PPP2R1B: variants seen among roughly 807,000 people sequenced by gnomAD.
PPP2R1B encodes protein phosphatase 2 scaffold subunit Abeta, also known as serine/threonine-protein phosphatase 2A 65 kDa regulatory subunit A beta isoform.
A neutral mutation model predicts 72.7 loss-of-function variants in PPP2R1B; 58 were observed. That is an observed-to-expected ratio of 0.80 (90% CI 0.65 to 0.99). The LOEUF is 0.99. Among genes scored for constraint, PPP2R1B ranks in the 50% least tolerant of loss-of-function variants. The pLI, the probability that PPP2R1B is intolerant of heterozygous loss-of-function variation, is 0.00. For missense variants in PPP2R1B, 695 were observed against 733.6 expected, an observed-to-expected ratio of 0.95 and a Z score of 0.61; for synonymous variants, 256 against 264.6, an observed-to-expected ratio of 0.97 and a Z score of 0.32.
chr11:111,758,494 G>A (rs996815754), intron 5 of PPP2R1B, among the ~76,000 whole-genome samples: 6 of 152,114 alleles, frequency 3.9e-5, no homozygotes, highest in Non-Finnish European at 5.9e-5. Flanking sequence ...GGAGGCTGAG[G>A]CAGGAGAATT....
In PPP2R1B at chr11:111,741,805, T is replaced by C. The variant is rs149254023; in HGVS notation, c.1790-193A>G. On this transcript the variant is annotated intron_variant, in intron 14 of 14. Transcript: ENST00000527614. ...GGTTAAATTCCAAACGAAAAACTAT[T>C]CTTACCAGTGAGAATCGTATTTCCT... 7.2e-4 allele frequency among the ~76,000 whole-genome samples: 110 copies of C among 152,322 alleles called. 1 individual carries two copies. Among genetic ancestry groups the C allele is most frequent in the African/African-American group, 2.4e-3 (101 of 41,558 alleles).
At chr11:111,765,811 C>T (rs1320495043) in intron 1 of PPP2R1B, 1 of 473,994 alleles carries the variant, frequency 2.1e-6, no homozygotes, top group African/African-American at 2.0e-5. Context: ...ACAAGCCGAG[C>T]CAGTTCCAAG....
chr11:111,759,585 C>T (rs1483688635), intron 5 of PPP2R1B, among the ~76,000 whole-genome samples: 2 of 152,208 alleles, frequency 1.3e-5, no homozygotes, highest in African/African-American at 4.8e-5. Context: ...TGACTCCCCA[C>T]TCTTTTAACA....
the PPP2R1B span, chr11:111,719,782 G>A: frequency 6.2e-7 from 1 of 1,613,028 alleles, no homozygotes. Flanking sequence ...TAGGTCAATG[G>A]CTGTCTGCTT....
chr11:111,740,226 G>GTT lies in PPP2R1B; in HGVS notation c.*1368_*1369dup. 2.0e-6 allele frequency: 2 copies of GTT among 975,866 alleles called. No individual in the cohort carries two copies. The highest frequency in any genetic ancestry group is 2.4e-6 in the Non-Finnish European group (2 of 821,818). The allele number at this position is 975,866 out of a possible 1,614,324, so 60.5% of individuals were successfully genotyped here. ...GAGTTTGATTATGTGAAAAATAGTT[G>GTT]TTTTTTTTTGAGATGGACTCTCGCT... is the stretch of plus-strand genomic sequence containing the variant. On this transcript the variant is annotated 3_prime_UTR_variant, in exon 15 of 15. Transcript: ENST00000527614.
chr11:111,764,726 A>T, intron 3 of PPP2R1B, 79 bp downstream of exon 3: 1 of 1,388,626 alleles, frequency 7.2e-7, no homozygotes, highest in Non-Finnish European at 1.0e-6. Flanking sequence ...AAAATGCTGC[A>T]GTGTGTCTAT....
intron 5 of PPP2R1B, 139 bp from the exon 6 acceptor site, chr11:111,755,589 T>C (rs936155001): frequency 1.4e-6 from 1 of 724,676 alleles, no homozygotes; most frequent in Non-Finnish European, 2.0e-6. Context: ...GACATCTTTT[T>C]CTTTTTTTTT....
intron 10 of PPP2R1B, among the ~76,000 whole-genome samples, chr11:111,750,679 A>AC (rs1944870058): frequency 6.6e-6 from 1 of 151,894 alleles, no homozygotes; most frequent in South Asian, 2.1e-4. Flanking sequence ...CCTACTCAAA[A>AC]AAAGGAAAGG....
chr11:111,696,748 C>T, the PPP2R1B span, among the ~76,000 whole-genome samples: 8 of 152,132 alleles, frequency 5.3e-5, no homozygotes, highest in Non-Finnish European at 1.0e-4. Flanking sequence ...TGTGTTTGTA[C>T]AGTGGTTGAC....
At chr11:111,697,062 T>C in the PPP2R1B span, among the ~76,000 whole-genome samples, 1 of 152,228 alleles carries the variant, frequency 6.6e-6, no homozygotes, top group Non-Finnish European at 1.5e-5. Context: ...TAACTATTTT[T>C]GACATGCCAG....
chr11:111,765,376 G>A lies in PPP2R1B; in HGVS notation c.123C>T (p.Leu41=), dbSNP rs1555052717. The change falls in exon 2 of 15, where the codon CTC becomes CTT. Residue 41 remains leucine, a synonymous_variant. Coordinates refer to ENST00000527614, the MANE Select transcript of PPP2R1B (RefSeq NM_002716.5). ...ELRNEDVQLR[L]NSIKKLSTIA... is the part of the protein sequence containing the mutation. Reference sequence around the variant, plus strand: ...TTGTTGATAACTTCTTAATACTGTTGAGTCGGAGCTTCAGAAAAGAAAGTA... The same window carrying A: ...TTGTTGATAACTTCTTAATACTGTTAAGTCGGAGCTTCAGAAAAGAAAGTA... 6.2e-7 allele frequency: 1 copy of A among 1,610,184 alleles called. No homozygotes were observed. Among genetic ancestry groups the A allele is most frequent in the African/African-American group, 1.3e-5 (1 of 74,874 alleles).
chr11:111,751,133 C>T (rs1178768001), intron 10 of PPP2R1B, among the ~76,000 whole-genome samples: 1 of 152,072 alleles, frequency 6.6e-6, no homozygotes, highest in Non-Finnish European at 1.5e-5. Flanking sequence ...GCCACTGTGC[C>T]CGGCCTTTCA....
chr11:111,702,270 G>A, the PPP2R1B span, among the ~76,000 whole-genome samples: 18 of 152,220 alleles, frequency 1.2e-4, no homozygotes, highest in African/African-American at 3.1e-4. Context: ...CCTACCGCAC[G>A]GGTGTTGTAA....
At chr11:111,736,331 T>C (rs929046432), downstream of PPP2R1B, among the ~76,000 whole-genome samples, 1 of 152,206 alleles carries the variant, frequency 6.6e-6, no homozygotes, top group Non-Finnish European at 1.5e-5. Context: ...GATCGGGTCA[T>C]ACCACGCATT....
At chr11:111,689,834 A>C in the PPP2R1B span, among the ~76,000 whole-genome samples, 1 of 152,074 alleles carries the variant, frequency 6.6e-6, no homozygotes, top group Non-Finnish European at 1.5e-5. Context: ...ATTTTTACTC[A>C]TTTTAAATGT....
At chr11:111,718,026 C>T in the PPP2R1B span, among the ~76,000 whole-genome samples, 1 of 151,906 alleles carries the variant, frequency 6.6e-6, no homozygotes. Flanking sequence ...ACACGTTTAC[C>T]TATGTAACAA....
In PPP2R1B at chr11:111,738,580, G is replaced by A. The variant is rs1458941782; in HGVS notation, c.*3016C>T. On this transcript the variant is annotated 3_prime_UTR_variant, in exon 15 of 15. Transcript: ENST00000527614. The stretch of plus-strand genomic sequence containing the variant: ...CAGGCTGCCGTCTCTGTTGAGTCAG[G>A]ACAAGTTGTCTGGCAAAGACCCCTG... 1 of 985,390 alleles carries A rather than the reference G, an allele frequency of 1.0e-6. No individual in the cohort carries two copies. Among genetic ancestry groups the A allele is most frequent in the Non-Finnish European group, 1.2e-6 (1 of 829,964 alleles). The allele number at this position is 985,390 out of a possible 1,614,324, so 61.0% of individuals were successfully genotyped here.
the PPP2R1B span, among the ~76,000 whole-genome samples, chr11:111,714,465 CTGTG>C: frequency 6.6e-6 from 1 of 152,180 alleles, no homozygotes; most frequent in Non-Finnish European, 1.5e-5. Context: ...CTGCATATCA[CTGTG>C]TGTGCCCCGG....
intron 8 of PPP2R1B, 138 bp downstream of exon 8, chr11:111,754,361 C>T (rs4936678): frequency 0.23 from 276,099 of 1,201,162 alleles, 34,998 homozygotes; most frequent in Non-Finnish European, 0.26. Flanking sequence ...CAATGTTGCA[C>T]ATTAACACAT....
Sources: allele counts gnomAD v4.1 joint callset (sites outside exome capture counted in the v4.1 genomes callset), GRCh38; gene constraint gnomAD v4.1.1; transcripts MANE v1.5; gene names NCBI Gene and HGNC (gene_info 2026-07-23, HGNC 2026-07-21).